MAN2A1: variants seen among roughly 807,000 people sequenced by gnomAD.
MAN2A1 encodes alpha-mannosidase 2.
In MAN2A1, 76 loss-of-function variants were observed where a neutral mutation model predicts 142.6. The observed-to-expected ratio is 0.53, with a 90% CI of 0.44 to 0.65. The LOEUF (loss-of-function observed/expected upper bound fraction) is 0.65. Ranked by LOEUF, MAN2A1 falls within the 30% of genes least tolerant of loss-of-function variation. The pLI is 0.00. For synonymous variants in MAN2A1, 559 were observed against 473.2 expected (o/e 1.18, Z -2.35); for missense variants, 1,311 against 1,365.1 (o/e 0.96, Z 0.62).
chr5:109,866,143 T>C (rs1006884120), intron 21 of MAN2A1, among the ~76,000 whole-genome samples: 2 of 152,174 alleles, frequency 1.3e-5, no homozygotes, highest in African/African-American at 4.8e-5. Context: ...AAAGCACTGA[T>C]ATTTTTATTA....
At chr5:109,799,640 G>A (rs542620104) in intron 12 of MAN2A1, among the ~76,000 whole-genome samples, 60 of 152,044 alleles carry the variant, frequency 3.9e-4, no homozygotes, top group African/African-American at 1.4e-3. Context: ...TGGAATCCCA[G>A]CTACTTGGGA....
At chr5:109,833,493 C>T (rs1365237112) in intron 16 of MAN2A1, among the ~76,000 whole-genome samples, 12 of 152,114 alleles carry the variant, frequency 7.9e-5, no homozygotes, top group Admixed American at 7.9e-4. Flanking sequence ...CACGGCAAAA[C>T]CCCGTCTCCA....
At chr5:109,763,644 A>C (rs867748329) in intron 5 of MAN2A1, among the ~76,000 whole-genome samples, 15 of 152,116 alleles carry the variant, frequency 9.9e-5, no homozygotes, top group African/African-American at 3.6e-4. Flanking sequence ...GAAATTGGAA[A>C]TCATCATTCT....
intron 4 of MAN2A1, among the ~76,000 whole-genome samples, chr5:109,741,779 C>T (rs1424277580): frequency 6.6e-6 from 1 of 152,144 alleles, no homozygotes; most frequent in Non-Finnish European, 1.5e-5. Context: ...ATCTAGTTAA[C>T]TAAAGAGAGA....
At chr5:109,691,784 G>A (rs1750679554) in intron 1 of MAN2A1, among the ~76,000 whole-genome samples, 1 of 152,192 alleles carries the variant, frequency 6.6e-6, no homozygotes, top group Non-Finnish European at 1.5e-5. Context: ...AAAAGCCTCT[G>A]CTTCCCCTAG....
At chr5:109,752,447 G>C (rs186889076) in intron 4 of MAN2A1, among the ~76,000 whole-genome samples, 1 of 152,208 alleles carries the variant, frequency 6.6e-6, no homozygotes, top group African/African-American at 2.4e-5. Flanking sequence ...AGTGCCGGAC[G>C]TGCCAACGTG....
chr5:109,748,192 T>G (rs1331173365), intron 4 of MAN2A1, among the ~76,000 whole-genome samples: 1 of 152,188 alleles, frequency 6.6e-6, no homozygotes, highest in African/African-American at 2.4e-5. Flanking sequence ...TTTTACAGTT[T>G]GATAGTTATT....
At chr5:109,833,882 G>A (rs569850190) in intron 16 of MAN2A1, among the ~76,000 whole-genome samples, 33 of 152,280 alleles carry the variant, frequency 2.2e-4, no homozygotes, top group African/African-American at 7.7e-4. Context: ...TTTGGTGAAA[G>A]CAAGCAATTG....
intron 16 of MAN2A1, among the ~76,000 whole-genome samples, chr5:109,833,224 G>A (rs1010243514): frequency 3.3e-5 from 5 of 151,370 alleles, no homozygotes; most frequent in Admixed American, 2.6e-4. Context: ...CATCCCAGAC[G>A]ATGGGCGGCC....
At chr5:109,702,770 T>C (rs1370221041) in intron 1 of MAN2A1, among the ~76,000 whole-genome samples, 1 of 152,202 alleles carries the variant, frequency 6.6e-6, no homozygotes, top group South Asian at 2.1e-4. Context: ...ATTTAGAAGT[T>C]TGCTATTAAT....
At chr5:109,837,675 C>T (rs755975065) in intron 16 of MAN2A1, among the ~76,000 whole-genome samples, 2 of 152,110 alleles carry the variant, frequency 1.3e-5, no homozygotes, top group South Asian at 4.1e-4. Flanking sequence ...TAGCTGCCAC[C>T]CTTCACTCAG....
At position 109,867,835 on chromosome 5, in the gene MAN2A1, C is replaced by T. The variant is rs1755923941; in HGVS notation, c.*837C>T. On this transcript the variant is annotated 3_prime_UTR_variant, in exon 22 of 22. Transcript: ENST00000261483. ...AAATTACCATATCAAAATAAATGTG[C>T]CTTATTTTTTTATAAGTCTTGTTAA... The T allele has an allele frequency of 6.6e-6, 1 of 151,994 alleles. No individual in the cohort carries two copies. The highest frequency in any genetic ancestry group is 2.4e-5 in the African/African-American group (1 of 41,370). The allele number at this position is 151,994 out of a possible 1,614,324, so 9.4% of individuals were successfully genotyped here.
At chr5:109,767,802 C>T in intron 6 of MAN2A1, 94 bp downstream of exon 6, 4 of 1,053,946 alleles carry the variant, frequency 3.8e-6, no homozygotes, top group Non-Finnish European at 5.5e-6. Flanking sequence ...TGTTCACTGT[C>T]AGTCTTGAAA....
intron 4 of MAN2A1, among the ~76,000 whole-genome samples, chr5:109,750,976 G>C (rs1752528804): frequency 6.6e-6 from 1 of 151,950 alleles, no homozygotes; most frequent in Admixed American, 6.6e-5. Context: ...CTAAGTGTTG[G>C]GAACATTTCC....
chr5:109,696,859 A>G (rs773443446), intron 1 of MAN2A1, among the ~76,000 whole-genome samples: 4 of 152,234 alleles, frequency 2.6e-5, no homozygotes, highest in East Asian at 1.9e-4. Flanking sequence ...GGTGAACTCT[A>G]TTCTTTCTCA....
chr5:109,777,479 A>G (rs1220408439), intron 8 of MAN2A1, among the ~76,000 whole-genome samples: 3 of 151,950 alleles, frequency 2.0e-5, no homozygotes, highest in Admixed American at 2.0e-4. Context: ...TTTTTCATAT[A>G]AAAGTTATGC....
intron 16 of MAN2A1, among the ~76,000 whole-genome samples, chr5:109,838,639 A>C (rs1449420662): frequency 6.6e-6 from 1 of 152,176 alleles, no homozygotes; most frequent in African/African-American, 2.4e-5. Flanking sequence ...AAAAAATAAT[A>C]AATTATCATT....
At chr5:109,768,483 G>A (rs1753054073) in intron 6 of MAN2A1, among the ~76,000 whole-genome samples, 1 of 152,178 alleles carries the variant, frequency 6.6e-6, no homozygotes, top group South Asian at 2.1e-4. Context: ...ATAGAGAGCA[G>A]AGATTTGAAT....
chr5:109,693,075 T>G (rs530997358), intron 1 of MAN2A1, among the ~76,000 whole-genome samples: 3 of 152,290 alleles, frequency 2.0e-5, no homozygotes, highest in Non-Finnish European at 2.9e-5. Context: ...TTGCCCCCTG[T>G]ATAGAGCATG....
Sources: allele counts gnomAD v4.1 joint callset (sites outside exome capture counted in the v4.1 genomes callset), GRCh38; gene constraint gnomAD v4.1.1; transcripts MANE v1.5; gene names NCBI Gene and HGNC (gene_info 2026-07-23, HGNC 2026-07-21).